Variants in CDIN1 observed in about 807,000 individuals in gnomAD.
The protein encoded by CDIN1 is CDAN1-interacting nuclease 1.
CDIN1 carries 33 observed loss-of-function variants against 45.3 expected under a neutral mutation model. The ratio of observed to expected loss-of-function variants is 0.73; its 90% CI spans 0.55 to 0.97. The LOEUF (loss-of-function observed/expected upper bound fraction) is 0.97. Among genes scored for constraint, CDIN1 ranks in the 50% least tolerant of loss-of-function variants. CDIN1 has a pLI of 0.00. For synonymous variants in CDIN1, 118 were observed against 124.4 expected, an observed-to-expected ratio of 0.95 and a Z score of 0.34; for missense variants, 303 against 339.4, an observed-to-expected ratio of 0.89 and a Z score of 0.84.
At chr15:36,619,946 T>G (rs1290964722) in intron 1 of CDIN1, among the ~76,000 whole-genome samples, 2 of 152,140 alleles carry the variant, frequency 1.3e-5, no homozygotes, top group African/African-American at 4.8e-5. Flanking sequence ...TGAGTCTGTC[T>G]TTTTGACCTT....
chr15:36,759,651 C>G (rs1300285470), intron 10 of CDIN1, among the ~76,000 whole-genome samples: 1 of 152,094 alleles, frequency 6.6e-6, no homozygotes. Context: ...TCTTATACCC[C>G]TATAAAGAAC....
chr15:36,698,319 A>T (rs961817826), intron 8 of CDIN1, among the ~76,000 whole-genome samples: 3 of 152,212 alleles, frequency 2.0e-5, no homozygotes, highest in African/African-American at 7.2e-5. Flanking sequence ...AATTGAATGT[A>T]TTATAAGATT....
At chr15:36,762,912 T>C (rs1313780918) in intron 10 of CDIN1, among the ~76,000 whole-genome samples, 3 of 152,114 alleles carry the variant, frequency 2.0e-5, no homozygotes, top group Non-Finnish European at 4.4e-5. Context: ...TTTGGGTTGG[T>C]TCCAAGTCTT....
chr15:36,632,367 G>A (rs1202889237), intron 1 of CDIN1, among the ~76,000 whole-genome samples: 1 of 152,122 alleles, frequency 6.6e-6, no homozygotes, highest in Non-Finnish European at 1.5e-5. Context: ...GAAAGAATGT[G>A]ATTGTCATGA....
At chr15:36,756,471 C>T (rs1566953045) in intron 10 of CDIN1, among the ~76,000 whole-genome samples, 3 of 152,102 alleles carry the variant, frequency 2.0e-5, no homozygotes, top group African/African-American at 7.2e-5. Context: ...CTGCTCTTTC[C>T]CTCTCTCTCT....
intron 3 of CDIN1, among the ~76,000 whole-genome samples, chr15:36,648,180 G>T (rs1200808119): frequency 3.9e-5 from 6 of 152,040 alleles, no homozygotes; most frequent in Non-Finnish European, 5.9e-5. Context: ...CCATAATTGT[G>T]CCACTCAGAG....
intron 10 of CDIN1, among the ~76,000 whole-genome samples, chr15:36,801,183 C>T (rs2055033098): frequency 6.6e-6 from 1 of 151,364 alleles, no homozygotes; most frequent in Non-Finnish European, 1.5e-5. Context: ...ACTGAGAATC[C>T]TTGTTTATGC....
At chr15:36,618,704 G>A (rs2039011208) in intron 1 of CDIN1, 4 of 774,470 alleles carry the variant, frequency 5.2e-6, no homozygotes, top group Non-Finnish European at 9.5e-6. Flanking sequence ...CAGCAACTCA[G>A]TATGAGTACC....
chr15:36,714,445 G>A (rs138836950), intron 10 of CDIN1, among the ~76,000 whole-genome samples: 158 of 152,164 alleles, frequency 1.0e-3, no homozygotes, highest in African/African-American at 3.7e-3. Context: ...ATGAAACTGG[G>A]CCTGGAGCAA....
intron 5 of CDIN1, among the ~76,000 whole-genome samples, chr15:36,690,378 C>T (rs534074387): frequency 1.3e-4 from 19 of 151,992 alleles, no homozygotes; most frequent in South Asian, 6.2e-4. Flanking sequence ...ATGCCATTCT[C>T]CTGCCTCAGC....
At chr15:36,808,080 T>C (rs143723052) in intron 10 of CDIN1, among the ~76,000 whole-genome samples, 490 of 151,894 alleles carry the variant, frequency 3.2e-3, no homozygotes, top group African/African-American at 0.011. Context: ...AGATTCAGAG[T>C]TTCCATATCT....
rs192045402 is a variant in CDIN1, at chr15:36,717,988, T to G, written c.716+8027T>G. On this transcript the variant is annotated intron_variant, in intron 10 of 10. Transcript: ENST00000566621. ...CTGCCTGTTTTCTTGGAAAAGTTTC[T>G]CTTGAAATCTTTGCTTCATTAGTTA... Among the ~76,000 whole-genome samples the G allele has an allele frequency of 8.0e-4, 121 of 151,586 alleles. 2 individuals carry two copies. The highest frequency in any genetic ancestry group is 4.4e-5 in the Non-Finnish European group (3 of 67,912).
At chr15:36,782,010 T>G (rs1027643015) in intron 10 of CDIN1, among the ~76,000 whole-genome samples, 1 of 152,104 alleles carries the variant, frequency 6.6e-6, no homozygotes, top group African/African-American at 2.4e-5. Flanking sequence ...GTATACACAG[T>G]TTTTCCTTCA....
At chr15:36,738,681 A>G (rs1042607143) in intron 10 of CDIN1, among the ~76,000 whole-genome samples, 2 of 152,188 alleles carry the variant, frequency 1.3e-5, no homozygotes, top group African/African-American at 2.4e-5. Flanking sequence ...AAAGTCAGAC[A>G]CATCACCACC....
At chr15:36,658,364 G>A (rs8039329) in intron 5 of CDIN1, 18,868 of 152,276 alleles carry the variant, frequency 0.12, 1,178 homozygotes, top group Middle Eastern at 0.17. Flanking sequence ...TACAGAAGGA[G>A]GTTCAAGCCT....
At chr15:36,596,202 A>G (rs192409456) in intron 1 of CDIN1, among the ~76,000 whole-genome samples, 3,117 of 149,558 alleles carry the variant, frequency 0.021, 98 homozygotes, top group African/African-American at 0.072. Flanking sequence ...TTTTTTTTTT[A>G]AAGAAGTTTT....
intron 1 of CDIN1, among the ~76,000 whole-genome samples, chr15:36,607,004 C>T (rs571176879): frequency 1.3e-5 from 2 of 152,142 alleles, no homozygotes; most frequent in Non-Finnish European, 2.9e-5. Context: ...TCTCTACTAC[C>T]ATTTTGGTGG....
chr15:36,724,021 T>G (rs1299808918), intron 10 of CDIN1, among the ~76,000 whole-genome samples: 1 of 152,216 alleles, frequency 6.6e-6, no homozygotes, highest in Non-Finnish European at 1.5e-5. Flanking sequence ...CTAATCCACA[T>G]AACAGTCCTA....
intron 1 of CDIN1, among the ~76,000 whole-genome samples, chr15:36,624,606 G>T (rs1362872645): frequency 1.3e-5 from 2 of 152,180 alleles, no homozygotes; most frequent in Admixed American, 1.3e-4. Flanking sequence ...GAGTACTACT[G>T]AGATTGTTTA....
Sources: allele counts gnomAD v4.1 joint callset (sites outside exome capture counted in the v4.1 genomes callset), GRCh38; gene constraint gnomAD v4.1.1; transcripts MANE v1.5; gene names NCBI Gene and HGNC (gene_info 2026-07-23, HGNC 2026-07-21).